Variants in WASHC2A observed in about 807,000 individuals in gnomAD.
WASHC2A encodes the protein WASH complex subunit FAM21A.
A neutral mutation model predicts 140.3 loss-of-function variants in WASHC2A; 82 were observed. The ratio of observed to expected loss-of-function variants is 0.58; its 90% CI spans 0.49 to 0.70. The LOEUF (loss-of-function observed/expected upper bound fraction) is 0.70, where lower values mean the gene tolerates loss of function less well. Ranked by LOEUF, WASHC2A falls within the 30% of genes least tolerant of loss-of-function variation. The pLI is 0.00. For synonymous variants in WASHC2A, 340 were observed against 560.8 expected (o/e 0.61, Z 5.56); for missense variants, 985 against 1,521.8 (o/e 0.65, Z 5.87).
chr10:50,109,527 G>A (rs1168701429), intron 19 of WASHC2A, among the ~76,000 whole-genome samples: 13 of 151,040 alleles, frequency 8.6e-5, no homozygotes, highest in East Asian at 1.9e-4. Flanking sequence ...GTCGCTTGTC[G>A]TAATACAGTG....
chr10:50,104,400 T>C lies in WASHC2A; in HGVS notation c.1737+257T>C, dbSNP rs1841542685. 1.3e-5 allele frequency among the ~76,000 whole-genome samples: 2 copies of C among 149,112 alleles called. 1 individual carries two copies. The highest frequency in any genetic ancestry group is 4.2e-4 in the South Asian group (2 of 4,718). ...TTTTTTTTCCGAGTTGGAGACTTTC[T>C]CTGTCACCCAGGCTGGAGTGCAGTG... On this transcript the variant is annotated intron_variant, in intron 18 of 30. Transcript: ENST00000282633.
chr10:50,069,031 T>A (rs560927453), intron 2 of WASHC2A, among the ~76,000 whole-genome samples: 6 of 148,672 alleles, frequency 4.0e-5, no homozygotes, highest in African/African-American at 1.5e-4. Context: ...AAAGGGATTT[T>A]AAATTTTTCC....
chr10:50,119,801 T>C, intron 23 of WASHC2A, 32 bp downstream of exon 23: 2 of 1,607,482 alleles, frequency 1.2e-6, no homozygotes, highest in Non-Finnish European at 8.5e-7. Flanking sequence ...TTCAAGTCTC[T>C]GGATGAGATA....
chr10:50,100,810 T>G (rs1446585273), intron 17 of WASHC2A, among the ~76,000 whole-genome samples: 1 of 148,256 alleles, frequency 6.7e-6, no homozygotes, highest in Non-Finnish European at 1.5e-5. Flanking sequence ...CCCTGGTTCA[T>G]AGGTTGCTTT....
At chr10:50,104,212 C>T (rs1841523318) in intron 18 of WASHC2A, 69 bp downstream of exon 18, 3 of 1,543,838 alleles carry the variant, frequency 1.9e-6, no homozygotes, top group East Asian at 4.5e-5. Context: ...CAACTTTCTA[C>T]CCAGAGGCTC....
chr10:50,094,106 T>G (rs2805174), intron 13 of WASHC2A, among the ~76,000 whole-genome samples, 189 bp downstream of exon 13: 18 of 151,986 alleles, frequency 1.2e-4, no homozygotes, highest in Non-Finnish European at 2.2e-4. Flanking sequence ...CAGTACCATC[T>G]GTAAACCCAT....
chr10:50,094,719 G>C (rs1840289381), intron 13 of WASHC2A, among the ~76,000 whole-genome samples: 1 of 151,176 alleles, frequency 6.6e-6, no homozygotes, highest in South Asian at 2.1e-4. Flanking sequence ...TTCCCCCTTT[G>C]CTCTTATGTC....
chr10:50,072,525 C>A (rs1379116383), intron 3 of WASHC2A, among the ~76,000 whole-genome samples: 1 of 111,748 alleles, frequency 8.9e-6, no homozygotes, highest in Non-Finnish European at 1.7e-5. Context: ...CTCACTCTGT[C>A]GCCCAGACTG....
rs1478535912 is a variant in WASHC2A, at chr10:50,098,160, C to T, written c.1548+358C>T. Among the ~76,000 whole-genome samples the T allele has an allele frequency of 2.6e-5, 4 of 152,038 alleles. 1 individual carries two copies. The highest frequency in any genetic ancestry group is 6.6e-5 in the Admixed American group (1 of 15,262). The stretch of plus-strand genomic sequence containing the variant: ...TCTCTTGAAAAGACTTCCATATAAG[C>T]GCAATGCCATTATCAACAGCTGTGA... On this transcript the variant is annotated intron_variant, in intron 16 of 30. Transcript: ENST00000282633.
chr10:50,090,515 A>AAAAAAAAAAAAATATATATATAT (rs1214596899), intron 8 of WASHC2A, among the ~76,000 whole-genome samples: 25 of 108,730 alleles, frequency 2.3e-4, no homozygotes, highest in African/African-American at 8.1e-4. Flanking sequence ...AAAAAAAAAA[A>AAAAAAAAAAAAATATATATATAT]ATATATATAT....
Position 50,095,741 on chromosome 10 carries a change from C to T in WASHC2A, c.1383C>T (p.Asp461=), listed in dbSNP as rs1376462734. 6 of 1,611,058 alleles carry T rather than the reference C, an allele frequency of 3.7e-6. No individual in the cohort carries two copies. The highest frequency in any genetic ancestry group is 8.5e-7 in the Non-Finnish European group (1 of 1,179,538). The part of the protein sequence containing the change: ...FDDDDGDDDD[D]FFSAPHSKPS... ...ATGATGATGGTGATGATGATGACGA[C>T]TTTTTCTCGGCACCCCACAGCAAAC... Residue 461 remains aspartate (D), a synonymous_variant, in exon 15 of 31, where the codon GAC becomes GAT. Coordinates refer to ENST00000282633, the MANE Select transcript of WASHC2A (RefSeq NM_001005751.3).
chr10:50,094,397 A>G lies in WASHC2A; in HGVS notation c.1180+480A>G, dbSNP rs1280365253. On this transcript the variant is annotated intron_variant, in intron 13 of 30. Transcript: ENST00000282633. The stretch of plus-strand genomic sequence containing the variant: ...TTGGACAGGCTGGTCTTAAACTCCT[A>G]TCCTCAAGTGATCACCCGCCTAGAC... 5.3e-3 allele frequency among the ~76,000 whole-genome samples: 772 copies of G among 146,942 alleles called. 10 individuals are homozygous for G. Among genetic ancestry groups the G allele is most frequent in the African/African-American group, 0.019 (741 of 39,728 alleles).
At chr10:50,103,631 C>T (rs1841456915) in intron 17 of WASHC2A, among the ~76,000 whole-genome samples, 1 of 152,074 alleles carries the variant, frequency 6.6e-6, no homozygotes, top group Non-Finnish European at 1.5e-5. Context: ...GTTGTAGCTC[C>T]ATTAATTTGG....
intron 8 of WASHC2A, among the ~76,000 whole-genome samples, chr10:50,088,958 C>CTTTTT (rs1210204220): frequency 2.3e-3 from 94 of 41,366 alleles, no homozygotes; most frequent in Non-Finnish European, 2.9e-3. Flanking sequence ...TTTTTCTTTC[C>CTTTTT]TTTTTTTTTT....
intron 25 of WASHC2A, 83 bp from the exon 26 acceptor site, chr10:50,125,974 C>T: frequency 6.4e-7 from 1 of 1,573,108 alleles, no homozygotes; most frequent in Non-Finnish European, 8.7e-7. Flanking sequence ...GACTCAGAAG[C>T]CAGGATTGTT....
At chr10:50,092,424 G>T (rs1198099075) in intron 11 of WASHC2A, among the ~76,000 whole-genome samples, 191 bp downstream of exon 11, 1 of 152,180 alleles carries the variant, frequency 6.6e-6, no homozygotes, top group East Asian at 1.9e-4. Flanking sequence ...TTGGGAGGCC[G>T]AGGCGGGCGG....
Position 50,098,320 on chromosome 10 carries a change from C to T in WASHC2A, c.1548+518C>T, listed in dbSNP as rs1404887474. On this transcript the variant is annotated intron_variant, in intron 16 of 30. Coordinates refer to ENST00000282633, the MANE Select transcript of WASHC2A (RefSeq NM_001005751.3). ...AAAATTATCTCGCATATAGTTCATA[C>T]TGCAATTTCCTCTCTTGTCCCCAAA... Among the ~76,000 whole-genome samples the T allele has an allele frequency of 7.2e-5, 11 of 152,136 alleles. 1 individual carries two copies. The highest frequency in any genetic ancestry group is 6.8e-3 in the Middle Eastern group (2 of 294).
At chr10:50,128,354 G>A (rs1262066909) in intron 28 of WASHC2A, among the ~76,000 whole-genome samples, 2 of 152,194 alleles carry the variant, frequency 1.3e-5, no homozygotes, top group African/African-American at 4.8e-5. Flanking sequence ...GTCCACAGCT[G>A]TGCTTCCACA....
intron 23 of WASHC2A, among the ~76,000 whole-genome samples, chr10:50,124,687 A>G (rs1212394961): frequency 6.6e-6 from 1 of 151,788 alleles, no homozygotes; most frequent in African/African-American, 2.4e-5. Context: ...TGCTTGATTC[A>G]GCTGCTGTCT....
Sources: allele counts gnomAD v4.1 joint callset (sites outside exome capture counted in the v4.1 genomes callset), GRCh38; gene constraint gnomAD v4.1.1; transcripts MANE v1.5; gene names NCBI Gene and HGNC (gene_info 2026-07-23, HGNC 2026-07-21).